The following CYP20A1 variants were observed in gnomAD, a reference collection of about 807,000 sequenced individuals.
The protein encoded by CYP20A1 is cytochrome P450 family 20 subfamily A member 1, also known as cytochrome P450 20A1.
Under a neutral mutation model 61.4 loss-of-function variants are expected in CYP20A1, and 61 were observed. The observed-to-expected ratio is 0.99, with a 90% CI of 0.81 to 1.23. The LOEUF is 1.23. CYP20A1 is among the 50% of genes most tolerant of loss of function. The pLI is 0.00. For synonymous variants in CYP20A1, 193 were observed against 188.2 expected (o/e 1.03, Z -0.21); for missense variants, 530 against 542.4 (o/e 0.98, Z 0.23).
At chr2:203,257,958 G>T in intron 4 of CYP20A1, among the ~76,000 whole-genome samples, 3 of 152,340 alleles carry the variant, frequency 2.0e-5, no homozygotes, top group Non-Finnish European at 2.9e-5. Flanking sequence ...CTCAAGTGCA[G>T]TGGCACAATT....
At chr2:203,258,388 TAA>T (rs56367282) in intron 4 of CYP20A1, among the ~76,000 whole-genome samples, 121,532 of 138,116 alleles carry the variant, frequency 0.88, 53,941 homozygotes, top group Non-Finnish European at 0.95. Flanking sequence ...ACCCTATGTT[TAA>T]AAAAAAAAAA....
chr2:203,277,323 G>A (rs2067863298), intron 6 of CYP20A1, among the ~76,000 whole-genome samples: 1 of 148,654 alleles, frequency 6.7e-6, no homozygotes, highest in African/African-American at 2.5e-5. Context: ...ACCCCAGCCT[G>A]GGTGACAGAG....
intron 4 of CYP20A1, among the ~76,000 whole-genome samples, chr2:203,262,375 C>T (rs924598018): frequency 5.3e-5 from 8 of 152,010 alleles, no homozygotes; most frequent in South Asian, 4.1e-4. Context: ...CTATTAACAG[C>T]GAGGCAGAAA....
chr2:203,278,327 G>A (rs945810211), intron 6 of CYP20A1, among the ~76,000 whole-genome samples: 1 of 152,130 alleles, frequency 6.6e-6, no homozygotes, highest in Non-Finnish European at 1.5e-5. Context: ...TGACCTAGGT[G>A]GTTGGTGGTG....
chr2:203,250,980 C>T (rs1054039221), intron 3 of CYP20A1, among the ~76,000 whole-genome samples: 1 of 139,190 alleles, frequency 7.2e-6, no homozygotes, highest in Admixed American at 8.4e-5. Flanking sequence ...AGGAGAATGG[C>T]GTGAACCCGG....
intron 1 of CYP20A1, among the ~76,000 whole-genome samples, chr2:203,243,685 CTTTTTT>C (rs36041824): frequency 2.6e-5 from 2 of 75,562 alleles, no homozygotes; most frequent in Non-Finnish European, 2.6e-5. Context: ...CGCCTGGCCT[CTTTTTT>C]TTTTTTTTTT....
At chr2:203,257,711 C>T (rs1036235907) in intron 4 of CYP20A1, among the ~76,000 whole-genome samples, 7 of 151,798 alleles carry the variant, frequency 4.6e-5, no homozygotes, top group African/African-American at 1.5e-4. Flanking sequence ...ATTGCTTGAA[C>T]CCAGGAGGCA....
chr2:203,296,748 T>C lies in CYP20A1; in HGVS notation c.1239-10T>C, dbSNP rs757185266. 6.3e-7 allele frequency: 1 copy of C among 1,575,070 alleles called. No individual in the cohort carries two copies. Among genetic ancestry groups the C allele is most frequent in the Non-Finnish European group, 8.6e-7 (1 of 1,168,618 alleles). ...ATCTTTAGTAACTAATTGACTTTCTTCCTGACTAGGTTTGCATATATGGTG... is the reference window on the plus strand; with the variant it reads ...ATCTTTAGTAACTAATTGACTTTCTCCCTGACTAGGTTTGCATATATGGTG... On this transcript the variant is annotated splice_polypyrimidine_tract_variant and intron_variant, in intron 12 of 12. Transcript: ENST00000356079.
rs1460550912 is a variant in CYP20A1, at chr2:203,300,112, A to G, written c.*3204A>G. On this transcript the variant is annotated 3_prime_UTR_variant, in exon 13 of 13. Transcript: ENST00000356079. ...AGATATGATAAACAATGATGAAAGC[A>G]AAAATAGGGCAGTTGAACCAGAGTC... Among the ~76,000 whole-genome samples the G allele has an allele frequency of 6.6e-6, 1 of 152,206 alleles. No homozygotes were observed. Among genetic ancestry groups the G allele is most frequent in the East Asian group, 1.9e-4 (1 of 5,200 alleles).
intron 4 of CYP20A1, among the ~76,000 whole-genome samples, chr2:203,260,093 A>G (rs2067076583): frequency 2.0e-5 from 3 of 151,116 alleles, no homozygotes. Flanking sequence ...TGCCCAGCTA[A>G]ATTTTGTATT....
intron 8 of CYP20A1, among the ~76,000 whole-genome samples, chr2:203,282,407 G>C (rs991220833): frequency 6.6e-6 from 1 of 152,002 alleles, no homozygotes; most frequent in Non-Finnish European, 1.5e-5. Flanking sequence ...GCTGAGGTGG[G>C]AGGATTGCGT....
At chr2:203,244,749 T>C (rs1195072077) in intron 1 of CYP20A1, among the ~76,000 whole-genome samples, 1 of 124,406 alleles carries the variant, frequency 8.0e-6, no homozygotes, top group Non-Finnish European at 1.9e-5. Flanking sequence ...TTTTTTTTTT[T>C]TGAGACGGAG....
In CYP20A1 at chr2:203,296,790, G is replaced by T. The variant is rs2068817353; in HGVS notation, c.1271G>T (p.Ser424Ile). ...TATATGGTGACCACAGTACTTCTTA[G>T]TGTATTGGTGAAGAGACTGCACCTA... The part of the protein sequence containing the change: ...FAYMVTTVLL[S>I]VLVKRLHLLS... Residue 424 changes from serine (S) to isoleucine (I), a missense_variant, in exon 13 of 13, where the codon AGT becomes ATT. Ser to Ile is a moderately radical substitution (Grantham distance 142, BLOSUM62 -2). Coordinates refer to ENST00000356079, the MANE Select transcript of CYP20A1 (RefSeq NM_177538.3). The T allele has an allele frequency of 8.1e-6, 13 of 1,605,266 alleles. No individual in the cohort carries two copies. The East Asian group carries it at 2.9e-4, about 36-fold the overall frequency.
Position 203,283,452 on chromosome 2 carries a change from G to A in CYP20A1, c.851-2160G>A, listed in dbSNP as rs570643860. 2.6e-5 allele frequency among the ~76,000 whole-genome samples: 4 copies of A among 151,678 alleles called. No homozygotes were observed. In the South Asian group the frequency reaches 6.2e-4, roughly 24 times the overall value. On this transcript the variant is annotated intron_variant, in intron 8 of 12. Transcript: ENST00000356079. Reference sequence around the variant, plus strand: ...AGGCTGATCTCGAACTCCTGACCTCGTGATCTGCCCGCCTTGGCCTCCCAA... The same window carrying A: ...AGGCTGATCTCGAACTCCTGACCTCATGATCTGCCCGCCTTGGCCTCCCAA...
chr2:203,265,257 C>G (rs1401686602), intron 4 of CYP20A1, among the ~76,000 whole-genome samples: 1 of 152,120 alleles, frequency 6.6e-6, no homozygotes, highest in Non-Finnish European at 1.5e-5. Flanking sequence ...CCAGTAGCAC[C>G]TTACCCCAGT....
At position 203,246,860 on chromosome 2, in the gene CYP20A1, C is replaced by T. The variant is rs2066476813; in HGVS notation, c.228C>T (p.Arg76=). Residue 76 remains arginine (R), a synonymous_variant, in exon 3 of 13, where the codon CGC becomes CGT. Transcript: ENST00000356079. ...GPVVSFWFGR[R]LVVSLGTVDV... ...TGGTCTCCTTCTGGTTTGGCAGGCG[C>T]CTCGTGGTTAGTTTGGGCACTGTTG... 2 of 1,614,012 alleles carry T rather than the reference C, an allele frequency of 1.2e-6. No homozygotes were observed. Among genetic ancestry groups the T allele is most frequent in the African/African-American group, 2.7e-5 (2 of 74,900 alleles).
At position 203,305,719 on chromosome 2, in the gene CYP20A1, TGTCATAAA is replaced by T. The variant is rs918364182; in HGVS notation, c.*8822_*8829del. On this transcript the variant is annotated 3_prime_UTR_variant, in exon 13 of 13. Coordinates refer to ENST00000356079, the MANE Select transcript of CYP20A1 (RefSeq NM_177538.3). ...TTTTGTTACTTTACCATTGTAACTA[TGTCATAAA>T]GTCATAAAGTACCTGTCCCCAAAAA... 2.6e-5 allele frequency: 4 copies of T among 152,352 alleles called. No homozygotes were observed. Among genetic ancestry groups the T allele is most frequent in the African/African-American group, 9.6e-5 (4 of 41,586 alleles). The allele number at this position is 152,352 out of a possible 1,614,324, so 9.4% of individuals were successfully genotyped here. A position where few individuals can be genotyped will look rare whatever the true frequency, so the allele number is the denominator to read the frequency against.
chr2:203,270,498 C>T (rs1008512503), intron 5 of CYP20A1, among the ~76,000 whole-genome samples: 2 of 151,842 alleles, frequency 1.3e-5, no homozygotes, highest in Admixed American at 6.6e-5. Context: ...TTTTGTGTTG[C>T]TTTTTCTTAC....
Position 203,302,309 on chromosome 2 carries a change from T to C in CYP20A1, c.*5401T>C, listed in dbSNP as rs2069054411. Among the ~76,000 whole-genome samples, 1 of 152,112 alleles carries C rather than the reference T, an allele frequency of 6.6e-6. No homozygotes were observed. The highest frequency in any genetic ancestry group is 1.5e-5 in the Non-Finnish European group (1 of 68,012). On this transcript the variant is annotated 3_prime_UTR_variant, in exon 13 of 13. Transcript: ENST00000356079. Reference sequence around the variant, plus strand: ...ACTTTGGGAGTTCAAGGCGGCCAGATTGCTTGAGCTTTTAGAAGTTTGAGA... The same window carrying C: ...ACTTTGGGAGTTCAAGGCGGCCAGACTGCTTGAGCTTTTAGAAGTTTGAGA...
Sources: allele counts gnomAD v4.1 joint callset (sites outside exome capture counted in the v4.1 genomes callset), GRCh38; gene constraint gnomAD v4.1.1; transcripts MANE v1.5; gene names NCBI Gene and HGNC (gene_info 2026-07-23, HGNC 2026-07-21).